The following TKTL1 variants were observed in gnomAD, a reference collection of about 807,000 sequenced individuals.
TKTL1 encodes transketolase like 1, also known as transketolase-like protein 1.
A neutral mutation model predicts 39.3 loss-of-function variants in TKTL1; 1 was observed. That is an observed-to-expected ratio of 0.03 (90% CI 0.01 to 0.12). TKTL1 has a LOEUF of 0.12. TKTL1 is among the 10% of genes least tolerant of loss of function. TKTL1 has a pLI of 1.00. For synonymous variants in TKTL1, 262 were observed against 193.8 expected, an observed-to-expected ratio of 1.35 and a Z score of -2.92; for missense variants, 575 against 509.6, an observed-to-expected ratio of 1.13 and a Z score of -1.24.
intron 5 of TKTL1, 52 bp from the exon 6 acceptor site, chrX:154,312,528 G>A (rs2067366058): frequency 4.4e-6 from 5 of 1,144,189 alleles, no homozygotes; most frequent in Non-Finnish European, 5.9e-6. Context: ...TGACCTCATA[G>A]GCACTCACTA....
Position 154,295,910 on chromosome X carries a change from C to T in TKTL1, c.51C>T (p.Asp17=), listed in dbSNP as rs879988731. ...AGTTCCCGGAGGAGGCCAGACCTGACAGGGGCACCTTGCAGGTGTTGCAAG... is the reference window on the plus strand; with the variant it reads ...AGTTCCCGGAGGAGGCCAGACCTGATAGGGGCACCTTGCAGGTGTTGCAAG... ...RAEFPEEARP[D]RGTLQVLQDM... Residue 17 remains aspartate (D), a synonymous_variant, in exon 1 of 13, where the codon GAC becomes GAT. Coordinates refer to ENST00000369915, the MANE Select transcript of TKTL1 (RefSeq NM_012253.4). The T allele has an allele frequency of 1.7e-6, 2 of 1,211,852 alleles. No homozygotes were observed.
chrX:154,312,366 T>C (rs949807447), intron 5 of TKTL1, among the ~76,000 whole-genome samples: 4 of 111,643 alleles, frequency 3.6e-5, no homozygotes, highest in Non-Finnish European at 7.5e-5. Flanking sequence ...GGAGGAGTCA[T>C]AGCGTGAGAC....
intron 2 of TKTL1, 51 bp downstream of exon 2, chrX:154,305,472 A>C (rs1408904837): frequency 1.7e-6 from 2 of 1,173,976 alleles, no homozygotes; most frequent in Admixed American, 4.5e-5. Flanking sequence ...GGTTAAGCCC[A>C]GTTTGAACAG....
intron 6 of TKTL1, among the ~76,000 whole-genome samples, chrX:154,314,214 C>T (rs782321067): frequency 1.6e-4 from 18 of 111,224 alleles, no homozygotes; most frequent in African/African-American, 5.6e-4. Context: ...TCAAATTTTT[C>T]CAAATACGGA....
Position 154,312,647 on chromosome X carries a change from A to G in TKTL1, c.738A>G (p.Lys246=). ...GAGAAAGAGCAGATGCCATTATCAA[A>G]TTAATTGAGAGCCAGATACAGACCA... The part of the protein sequence containing the change: ...MPRERADAII[K]LIESQIQTSR... Residue 246 remains lysine, a synonymous_variant, in exon 6 of 13, where the codon AAA becomes AAG. Coordinates refer to ENST00000369915, the MANE Select transcript of TKTL1 (RefSeq NM_012253.4). 1 of 1,211,706 alleles carries G rather than the reference A, an allele frequency of 8.3e-7. No individual in the cohort carries two copies. The highest frequency in any genetic ancestry group is 1.1e-6 in the Non-Finnish European group (1 of 895,426).
chrX:154,318,055 C>G (rs1557169721), intron 7 of TKTL1, among the ~76,000 whole-genome samples: 1 of 111,688 alleles, frequency 9.0e-6, no homozygotes, highest in African/African-American at 3.3e-5. Flanking sequence ...TAGTTTTAAG[C>G]TAACATCTTT....
At chrX:154,311,552 T>C (rs1457010274) in intron 5 of TKTL1, among the ~76,000 whole-genome samples, 1 of 111,024 alleles carries the variant, frequency 9.0e-6, no homozygotes, top group Non-Finnish European at 1.9e-5. Flanking sequence ...GCGTGCTGTG[T>C]GTATGAGCAG....
In TKTL1 at chrX:154,311,754, A is replaced by T. The variant is rs782633290; in HGVS notation, c.670+516A>T. Among the ~76,000 whole-genome samples, 4 of 111,312 alleles carry T rather than the reference A, an allele frequency of 3.6e-5. No individual in the cohort carries two copies. The South Asian group carries it at 1.1e-3, about 32-fold the overall frequency. On this transcript the variant is annotated intron_variant, in intron 5 of 12. Transcript: ENST00000369915. The stretch of plus-strand genomic sequence containing the variant: ...CTCCTGGATTTTTTTAAAAGACTAT[A>T]GACATTTTAGAATAAAACTGTTCTG...
In TKTL1 at chrX:154,308,966, A is replaced by G. The variant is rs1354424844; in HGVS notation, c.253-379A>G. Among the ~76,000 whole-genome samples the G allele has an allele frequency of 4.5e-5, 5 of 111,016 alleles. No homozygotes were observed. The South Asian group carries it at 1.5e-3, about 34-fold the overall frequency. ...CGGGAAGGGCCATGGGAAAATGTCA[A>G]GAATCATACTTTACGTTTTCTGCTT... is the stretch of plus-strand genomic sequence containing the variant. On this transcript the variant is annotated intron_variant, in intron 2 of 12. Transcript: ENST00000369915.
chrX:154,323,641 A>G (rs1183593633), intron 9 of TKTL1, among the ~76,000 whole-genome samples: 2 of 112,086 alleles, frequency 1.8e-5, no homozygotes, highest in African/African-American at 3.2e-5. Flanking sequence ...AAGGGTGCTT[A>G]AGAAGCCGCA....
At chrX:154,298,343 A>T (rs902281106) in intron 1 of TKTL1, among the ~76,000 whole-genome samples, 11 of 111,229 alleles carry the variant, frequency 9.9e-5, no homozygotes, top group African/African-American at 3.3e-4. Flanking sequence ...CAGCCTCTTG[A>T]GTAGCTGGAA....
In TKTL1 at chrX:154,296,039, C is replaced by A. The variant is rs186468005; in HGVS notation, c.134+46C>A. ...TCTGGGTCATGCAGGGCCACGGGCC[C>A]GGTGGCTTCAGGCCTGGTGGCCATG... On this transcript the variant is annotated intron_variant, in intron 1 of 12. Coordinates refer to ENST00000369915, the MANE Select transcript of TKTL1 (RefSeq NM_012253.4). The A allele has an allele frequency of 5.0e-6, 6 of 1,194,374 alleles. No homozygotes were observed. In the African/African-American group the frequency reaches 7.0e-5, roughly 14 times the overall value.
chrX:154,295,815 C>G lies in TKTL1; in HGVS notation c.-45C>G, dbSNP rs782579925. ...CAGGCGCCATTCGCTCTTCAGACGCCGGAGACGTAGGAGTGGGTCTTCAGA... is the reference window on the plus strand; with the variant it reads ...CAGGCGCCATTCGCTCTTCAGACGCGGGAGACGTAGGAGTGGGTCTTCAGA... On this transcript the variant is annotated 5_prime_UTR_variant, in exon 1 of 13. Coordinates refer to ENST00000369915, the MANE Select transcript of TKTL1 (RefSeq NM_012253.4). 21 of 1,193,036 alleles carry G rather than the reference C, an allele frequency of 1.8e-5. No homozygotes were observed. The highest frequency in any genetic ancestry group is 2.4e-5 in the Non-Finnish European group (21 of 884,684).
intron 5 of TKTL1, among the ~76,000 whole-genome samples, chrX:154,311,549 G>T (rs2067357756): frequency 9.0e-6 from 1 of 111,346 alleles, no homozygotes; most frequent in African/African-American, 3.3e-5. Flanking sequence ...AAAGCGTGCT[G>T]TGTGTATGAG....
chrX:154,324,774 G>A (rs2067480486), intron 9 of TKTL1, among the ~76,000 whole-genome samples: 1 of 112,096 alleles, frequency 8.9e-6, no homozygotes, highest in East Asian at 2.8e-4. Context: ...ACGAACAGTA[G>A]CGACGTTTCT....
chrX:154,315,078 A>G (rs2067387260), intron 6 of TKTL1, 95 bp from the exon 7 acceptor site: 4 of 949,892 alleles, frequency 4.2e-6, no homozygotes, highest in Non-Finnish European at 5.8e-6. Context: ...ATAGATGATA[A>G]TTTGTCATTC....
At chrX:154,301,532 A>C (rs1169205336) in intron 1 of TKTL1, among the ~76,000 whole-genome samples, 3 of 111,966 alleles carry the variant, frequency 2.7e-5, no homozygotes, top group African/African-American at 6.5e-5. Context: ...ATAAATAAAT[A>C]AATCTTGCTC....
At chrX:154,312,116 T>C (rs1484426686) in intron 5 of TKTL1, among the ~76,000 whole-genome samples, 1 of 112,019 alleles carries the variant, frequency 8.9e-6, no homozygotes, top group East Asian at 2.8e-4. Flanking sequence ...AATCTTGCTT[T>C]GGATAAAACT....
In TKTL1 at chrX:154,297,828, G is replaced by T. The variant is rs112910891; in HGVS notation, c.134+1835G>T. ...GGCACGTGCCTGTAGTCCCAGCTAC[G>T]CGGGGGACAGAGTTTGCAGTGAACT... On this transcript the variant is annotated intron_variant, in intron 1 of 12. Coordinates refer to ENST00000369915, the MANE Select transcript of TKTL1 (RefSeq NM_012253.4). Among the ~76,000 whole-genome samples the T allele has an allele frequency of 5.5e-3, 618 of 111,521 alleles. 5 individuals are homozygous for T. The highest frequency in any genetic ancestry group is 0.018 in the African/African-American group (551 of 30,737).
Sources: gnomAD v4.1 joint callset for allele counts (sites outside exome capture counted in the v4.1 genomes callset) on GRCh38, gnomAD v4.1.1 for gene constraint, MANE v1.5 for transcripts, NCBI Gene and HGNC (gene_info 2026-07-23, HGNC 2026-07-21) for gene names.